The following DNAJC1 variants were observed in gnomAD, a reference collection of about 807,000 sequenced individuals.
DNAJC1 encodes DnaJ heat shock protein family (Hsp40) member C1.
A neutral mutation model predicts 76.6 loss-of-function variants in DNAJC1; 58 were observed. The ratio of observed to expected loss-of-function variants is 0.76; its 90% CI spans 0.61 to 0.94. The LOEUF (loss-of-function observed/expected upper bound fraction) is 0.94, where lower values mean the gene tolerates loss of function less well. Among genes scored for constraint, DNAJC1 ranks in the 40% least tolerant of loss-of-function variants. DNAJC1 has a pLI of 0.00. For synonymous variants in DNAJC1, 258 were observed against 267.9 expected (o/e 0.96, Z 0.36); for missense variants, 689 against 677.3 (o/e 1.02, Z -0.19).
Position 21,834,343 on chromosome 10 carries a change from A to C in DNAJC1, c.979-28244T>G, listed in dbSNP as rs1476645309. 2.6e-5 allele frequency among the ~76,000 whole-genome samples: 4 copies of C among 152,194 alleles called. No homozygotes were observed. The South Asian group carries it at 8.3e-4, about 32-fold the overall frequency. Reference sequence around the variant, plus strand: ...AGACCTAATGTGGACTAAGGAGAGGAGCCAAGATGGCCGAATGGGAACAGC... The same window carrying C: ...AGACCTAATGTGGACTAAGGAGAGGCGCCAAGATGGCCGAATGGGAACAGC... On this transcript the variant is annotated intron_variant, in intron 8 of 11. Transcript: ENST00000376980.
chr10:21,824,417 C>A (rs1835210980), intron 8 of DNAJC1, among the ~76,000 whole-genome samples: 1 of 152,132 alleles, frequency 6.6e-6, no homozygotes. Context: ...ATAACAGAGA[C>A]TACTAGTGTC....
chr10:21,906,420 T>C (rs1836746570), intron 6 of DNAJC1, among the ~76,000 whole-genome samples: 1 of 152,206 alleles, frequency 6.6e-6, no homozygotes, highest in African/African-American at 2.4e-5. Flanking sequence ...GAGTCATTTA[T>C]ACCTTGGTGT....
At chr10:21,932,853 GCCTCCCA>G (rs1837250446) in intron 1 of DNAJC1, among the ~76,000 whole-genome samples, 1 of 152,094 alleles carries the variant, frequency 6.6e-6, no homozygotes, top group Non-Finnish European at 1.5e-5. Flanking sequence ...AAACTCCTTG[GCCTCCCA>G]AAGTGCTGGG....
intron 9 of DNAJC1, among the ~76,000 whole-genome samples, chr10:21,791,792 A>G (rs1416496420): frequency 6.6e-6 from 1 of 152,188 alleles, no homozygotes; most frequent in East Asian, 1.9e-4. Context: ...TTTCAAATAA[A>G]TAACCTAATG....
At chr10:21,928,959 C>T in intron 2 of DNAJC1, 81 bp downstream of exon 2, 12 of 808,116 alleles carry the variant, frequency 1.5e-5, no homozygotes, top group South Asian at 2.5e-5. Context: ...GAAAATATTC[C>T]ATATATAAGT....
chr10:21,782,763 A>G (rs1455364963), intron 9 of DNAJC1, among the ~76,000 whole-genome samples: 1 of 152,188 alleles, frequency 6.6e-6, no homozygotes, highest in Non-Finnish European at 1.5e-5. Flanking sequence ...AAATCAATAA[A>G]CGTAATCCAT....
chr10:21,757,010 G>GCGTA (rs1834183441), intron 11 of DNAJC1, among the ~76,000 whole-genome samples: 2 of 152,228 alleles, frequency 1.3e-5, no homozygotes, highest in South Asian at 4.1e-4. Flanking sequence ...CGTTTGTGAG[G>GCGTA]CGTACTAGCA....
intron 9 of DNAJC1, among the ~76,000 whole-genome samples, chr10:21,792,019 A>G (rs181284622): frequency 5.9e-4 from 90 of 152,340 alleles, no homozygotes; most frequent in Non-Finnish European, 1.1e-3. Flanking sequence ...TTCACCCATC[A>G]TTAAAGAAAT....
chr10:21,805,921 T>G, intron 9 of DNAJC1, 59 bp downstream of exon 9: 1 of 1,602,594 alleles, frequency 6.2e-7, no homozygotes, highest in Non-Finnish European at 8.5e-7. Flanking sequence ...GTCTGCCTTC[T>G]ACATAGCTGA....
At chr10:21,952,946 T>C (rs1416882887) in intron 1 of DNAJC1, among the ~76,000 whole-genome samples, 1 of 152,178 alleles carries the variant, frequency 6.6e-6, no homozygotes, top group Non-Finnish European at 1.5e-5. Context: ...ATTGTTCTTG[T>C]TTCAAGTTTT....
At chr10:21,997,594 G>C (rs1838441568) in intron 1 of DNAJC1, among the ~76,000 whole-genome samples, 1 of 152,116 alleles carries the variant, frequency 6.6e-6, no homozygotes, top group Admixed American at 6.6e-5. Flanking sequence ...GTTAGAGATG[G>C]GTCTAGTGAT....
At chr10:21,854,752 T>C (rs1835808889) in intron 8 of DNAJC1, among the ~76,000 whole-genome samples, 2 of 152,206 alleles carry the variant, frequency 1.3e-5, no homozygotes, top group South Asian at 4.1e-4. Context: ...GATACACTTA[T>C]AATTAGGTTT....
Position 21,920,858 on chromosome 10 carries a change from G to A in DNAJC1, c.477C>T (p.Phe159=). The change falls in exon 4 of 12, where the codon TTC becomes TTT. Residue 159 remains phenylalanine, a synonymous_variant. Transcript: ENST00000376980. The stretch of plus-strand genomic sequence containing the variant: ...CATAATGACCCACTGTGAGAATAAT[G>A]AACAAGAGTAATGCCAGCTCAGCAT... The part of the protein sequence containing the change: ...MSNAELALLL[F]IILTVGHYAV... 6.2e-7 allele frequency: 1 copy of A among 1,613,018 alleles called. No homozygotes were observed. Among genetic ancestry groups the A allele is most frequent in the Non-Finnish European group, 8.5e-7 (1 of 1,179,304 alleles).
intron 1 of DNAJC1, among the ~76,000 whole-genome samples, chr10:21,951,197 G>C (rs1837589193): frequency 6.6e-6 from 1 of 152,082 alleles, no homozygotes; most frequent in Non-Finnish European, 1.5e-5. Context: ...GTACGCACCT[G>C]TAATCCCAGC....
intron 1 of DNAJC1, among the ~76,000 whole-genome samples, chr10:22,001,026 T>C (rs1838510675): frequency 6.6e-6 from 1 of 152,208 alleles, no homozygotes; most frequent in Admixed American, 6.5e-5. Flanking sequence ...CCATATAACA[T>C]TTATATTTAC....
chr10:21,759,684 C>T, intron 10 of DNAJC1, 66 bp from the exon 11 acceptor site: 1 of 1,501,182 alleles, frequency 6.7e-7, no homozygotes, highest in Non-Finnish European at 9.1e-7. Context: ...GTGAGAACAG[C>T]AGCTGCCGGG....
At chr10:21,818,559 T>A (rs1437378952) in intron 8 of DNAJC1, among the ~76,000 whole-genome samples, 1 of 152,106 alleles carries the variant, frequency 6.6e-6, no homozygotes, top group Admixed American at 6.6e-5. Context: ...CTAATAAAAA[T>A]TTGCTGGTTT....
intron 8 of DNAJC1, among the ~76,000 whole-genome samples, chr10:21,818,265 C>T (rs907584713): frequency 2.6e-5 from 4 of 152,134 alleles, no homozygotes; most frequent in Admixed American, 1.3e-4. Flanking sequence ...TGAAATAAGC[C>T]CCAGTCTCCC....
chr10:21,868,718 T>C (rs1185469141), intron 8 of DNAJC1, among the ~76,000 whole-genome samples: 1 of 151,930 alleles, frequency 6.6e-6, no homozygotes, highest in Non-Finnish European at 1.5e-5. Context: ...AAACCAAAAC[T>C]AAAATTTGAA....
Sources: allele counts gnomAD v4.1 joint callset (sites outside exome capture counted in the v4.1 genomes callset), GRCh38; gene constraint gnomAD v4.1.1; transcripts MANE v1.5; gene names NCBI Gene and HGNC (gene_info 2026-07-23, HGNC 2026-07-21).